The following PKHD1 variants were observed in gnomAD, a reference collection of about 807,000 sequenced individuals.
The protein encoded by PKHD1 is PKHD1 ciliary IPT domain containing fibrocystin/polyductin.
In PKHD1, 291 loss-of-function variants were observed where a neutral mutation model predicts 412.0. The observed-to-expected ratio is 0.71, with a 90% CI of 0.64 to 0.78. The LOEUF (loss-of-function observed/expected upper bound fraction) is 0.78. Among genes scored for constraint, PKHD1 ranks in the 30% least tolerant of loss-of-function variants. The probability of loss-of-function intolerance (pLI) is 0.00; values close to 1 mark genes in which losing one functional copy is unlikely to be tolerated. For missense variants in PKHD1, 4,825 were observed against 4,950.7 expected, an observed-to-expected ratio of 0.97 and a Z score of 0.76; for synonymous variants, 1,777 against 1,821.5, an observed-to-expected ratio of 0.98 and a Z score of 0.62.
intron 52 of PKHD1, among the ~76,000 whole-genome samples, chr6:51,798,510 C>T (rs987523812): frequency 6.6e-6 from 1 of 152,176 alleles, no homozygotes; most frequent in African/African-American, 2.4e-5. Context: ...GTCTGATGGG[C>T]TTCCTTTTGT....
At chr6:51,742,164 T>C (rs1784637458) in intron 60 of PKHD1, among the ~76,000 whole-genome samples, 1 of 152,230 alleles carries the variant, frequency 6.6e-6, no homozygotes, top group African/African-American at 2.4e-5. Context: ...TCAGTATAAA[T>C]GTGTCCCTGA....
intron 44 of PKHD1, 54 bp from the exon 45 acceptor site, chr6:51,886,026 A>G: frequency 9.4e-7 from 1 of 1,065,594 alleles, no homozygotes. Flanking sequence ...CTAACTTTCT[A>G]CTTTTTCTTG....
intron 60 of PKHD1, among the ~76,000 whole-genome samples, chr6:51,717,352 C>T (rs1781399922): frequency 6.6e-6 from 1 of 151,040 alleles, no homozygotes. Context: ...GCAGAGATTG[C>T]AGTGAGCTGA....
At chr6:51,779,906 G>C (rs947314474) in intron 53 of PKHD1, among the ~76,000 whole-genome samples, 4 of 151,950 alleles carry the variant, frequency 2.6e-5, no homozygotes, top group African/African-American at 9.7e-5. Flanking sequence ...TTTAAACCTT[G>C]CACAAGACAT....
At chr6:51,808,638 A>G (rs1443541383) in intron 52 of PKHD1, among the ~76,000 whole-genome samples, 1 of 152,130 alleles carries the variant, frequency 6.6e-6, no homozygotes, top group Non-Finnish European at 1.5e-5. Context: ...TAAGCTGTGC[A>G]GACTTCTTAT....
intron 36 of PKHD1, among the ~76,000 whole-genome samples, chr6:51,949,841 C>A (rs561044132): frequency 2.6e-5 from 4 of 152,072 alleles, no homozygotes; most frequent in African/African-American, 9.7e-5. Context: ...ATACCTAAAC[C>A]TAGCAACCTG....
chr6:52,033,900 G>A (rs375149578), intron 28 of PKHD1, among the ~76,000 whole-genome samples: 7 of 152,056 alleles, frequency 4.6e-5, no homozygotes, highest in African/African-American at 7.2e-5. Flanking sequence ...AGGCCGAGGC[G>A]GGTGGATCAC....
At chr6:52,043,362 T>G (rs1219511082) in intron 26 of PKHD1, among the ~76,000 whole-genome samples, 1 of 152,170 alleles carries the variant, frequency 6.6e-6, no homozygotes, top group Non-Finnish European at 1.5e-5. Context: ...CACTGCTCAA[T>G]TTTTTAAAAG....
rs775071691 is a variant in PKHD1 at position 51,659,320 on chromosome 6, A to C, written c.10806T>G (p.Pro3602=). The change falls in exon 61 of 67, where the codon CCT becomes CCG. Residue 3602 remains proline, a synonymous_variant. Transcript: ENST00000371117. The part of the protein sequence containing the change: ...QNQIRFIHEM[P]GHEETLKAIA... The stretch of plus-strand genomic sequence containing the variant: ...TGGCCTTTAAGGTCTCTTCATGGCC[A>C]GGCATCTCGTGAATAAACCTGATTT... The C allele has an allele frequency of 1.9e-6, 3 of 1,613,782 alleles. No homozygotes were observed. Among genetic ancestry groups the C allele is most frequent in the East Asian group, 4.5e-5 (2 of 44,870 alleles).
At position 52,065,041 on chromosome 6, in the gene PKHD1, C is replaced by T; in HGVS notation, c.890G>A (p.Cys297Tyr). Residue 297 changes from cysteine (C) to tyrosine (Y), a missense_variant, in exon 13 of 67, where the codon TGT becomes TAT. Physicochemically the swap from Cys to Tyr is radical, Grantham distance 194 (BLOSUM62 -2). Coordinates refer to ENST00000371117, the MANE Select transcript of PKHD1 (RefSeq NM_138694.4). Reference sequence around the variant, plus strand: ...CCTGGGAGACACGTGTCTAATATCACATGGAATGCCTAAAGCGAATTAAAG... The same window carrying T: ...CCTGGGAGACACGTGTCTAATATCATATGGAATGCCTAAAGCGAATTAAAG... ...SAQVTIAGIP[C>Y]DIRHVSPRKI... 6.3e-7 allele frequency: 1 copy of T among 1,584,374 alleles called. No homozygotes were observed. The highest frequency in any genetic ancestry group is 8.6e-7 in the Non-Finnish European group (1 of 1,163,682).
chr6:51,927,616 C>T (rs564916518), intron 37 of PKHD1, among the ~76,000 whole-genome samples: 7 of 152,258 alleles, frequency 4.6e-5, no homozygotes, highest in African/African-American at 1.4e-4. Context: ...GCATAAGTAT[C>T]AATCACAGAG....
chr6:51,738,826 TCTC>T (rs1308035468), intron 60 of PKHD1, among the ~76,000 whole-genome samples: 10 of 151,872 alleles, frequency 6.6e-5, no homozygotes, highest in Admixed American at 6.6e-4. Flanking sequence ...TGCCTGGAAG[TCTC>T]CTCCCTCTGC....
chr6:52,079,927 TG>T lies in PKHD1; in HGVS notation c.362del (p.Pro121GlnfsTer32). 6.2e-7 allele frequency: 1 copy of T among 1,607,178 alleles called. No individual in the cohort carries two copies. ...FGGQLVSSPN[P>X]GPRDSCTFKF... ...TGAAAGTACAGCTATCTCGTGGTCC[TG>T]GATTTGGACTGCTTACCAGCTGTCC... On this transcript the variant is annotated frameshift_variant, in exon 5 of 67. Coordinates refer to ENST00000371117, the MANE Select transcript of PKHD1 (RefSeq NM_138694.4). LOFTEE classifies it high-confidence loss of function.
In PKHD1 at chr6:51,934,275, G is replaced by A. The variant is rs775236396; in HGVS notation, c.5956C>T (p.His1986Tyr). Residue 1986 changes from histidine (H) to tyrosine (Y), a missense_variant, in exon 37 of 67, where the codon CAC (histidine) becomes TAC (tyrosine). Physicochemically the swap from His to Tyr is moderately conservative, Grantham distance 83. Transcript: ENST00000371117. ...CCACCATCAGAAACAAGGATGGCGT[G>A]TGCCCTGAGCTCGATGGGTCCTGGG... ...MAPGPIELRA[H>Y]AILVSDGGEL... 6.2e-7 allele frequency: 1 copy of A among 1,613,458 alleles called. No homozygotes were observed. Among genetic ancestry groups the A allele is most frequent in the Non-Finnish European group, 8.5e-7 (1 of 1,179,936 alleles).
Position 51,934,171 on chromosome 6 carries a change from A to T in PKHD1, c.6060T>A (p.Thr2020=). Residue 2020 remains threonine (T), a synonymous_variant, in exon 37 of 67, where the codon ACT becomes ACA. Transcript: ENST00000371117. Reference sequence around the variant, plus strand: ...ACTTGACTCCATAGGGAAAGAAGGGAGTTGAGTAGGAACTCCCGTAGAGTG... The same window carrying T: ...ACTTGACTCCATAGGGAAAGAAGGGTGTTGAGTAGGAACTCCCGTAGAGTG... ...QITLYGSSYS[T]PFFPYGVKFL... The T allele has an allele frequency of 6.2e-7, 1 of 1,614,114 alleles. No homozygotes were observed.
intron 60 of PKHD1, among the ~76,000 whole-genome samples, chr6:51,694,718 G>A (rs979746923): frequency 1.8e-4 from 28 of 151,936 alleles, no homozygotes; most frequent in Non-Finnish European, 3.8e-4. Context: ...TGTAAGTCGT[G>A]AGTAACCACA....
intron 63 of PKHD1, among the ~76,000 whole-genome samples, chr6:51,641,056 G>T (rs993706327): frequency 1.3e-5 from 2 of 152,142 alleles, no homozygotes; most frequent in African/African-American, 4.8e-5. Flanking sequence ...AATGCTTTTG[G>T]TGCATTCTTT....
intron 53 of PKHD1, among the ~76,000 whole-genome samples, chr6:51,776,324 G>A (rs1275115082): frequency 2.6e-5 from 4 of 151,910 alleles, no homozygotes; most frequent in Non-Finnish European, 5.9e-5. Flanking sequence ...CTCTTTCAAT[G>A]TTGTTCTCTA....
At chr6:52,084,787 A>G (rs1012001958) in intron 2 of PKHD1, 95 bp downstream of exon 2, 1 of 867,128 alleles carries the variant, frequency 1.2e-6, no homozygotes, top group Non-Finnish European at 2.0e-6. Flanking sequence ...TATTTATGGT[A>G]TACAACCAAA....
Sources: allele counts gnomAD v4.1 joint callset (sites outside exome capture counted in the v4.1 genomes callset), GRCh38; gene constraint gnomAD v4.1.1; transcripts MANE v1.5; gene names NCBI Gene and HGNC (gene_info 2026-07-23, HGNC 2026-07-21).